Variants in KIAA1217 observed in about 807,000 individuals in gnomAD.
KIAA1217 encodes sickle tail protein homolog.
KIAA1217 carries 88 observed loss-of-function variants against 163.9 expected under a neutral mutation model. That is an observed-to-expected ratio of 0.54 (90% CI 0.45 to 0.64). The LOEUF is 0.64. KIAA1217 is among the 30% of genes least tolerant of loss of function. The probability of loss-of-function intolerance (pLI) is 0.00; values close to 1 mark genes in which losing one functional copy is unlikely to be tolerated. For missense variants in KIAA1217, 2,372 were observed against 2,475.0 expected, an observed-to-expected ratio of 0.96 and a Z score of 0.88; for synonymous variants, 903 against 923.1, an observed-to-expected ratio of 0.98 and a Z score of 0.39.
intron 5 of KIAA1217, among the ~76,000 whole-genome samples, chr10:24,465,388 A>G (rs753553758): frequency 5.3e-5 from 8 of 152,192 alleles, no homozygotes; most frequent in Admixed American, 1.3e-4. Context: ...TTTTTTTAGA[A>G]AGCCTGCAAA....
At chr10:24,103,041 C>T (rs1250046076) in intron 2 of KIAA1217, among the ~76,000 whole-genome samples, 2 of 152,188 alleles carry the variant, frequency 1.3e-5, no homozygotes, top group Non-Finnish European at 2.9e-5. Flanking sequence ...TCACCTTCCA[C>T]CATGACTGTG....
chr10:24,475,362 A>T (rs1319256754), intron 6 of KIAA1217, among the ~76,000 whole-genome samples: 5 of 152,212 alleles, frequency 3.3e-5, no homozygotes, highest in Non-Finnish European at 7.3e-5. Context: ...ATGGAATGTG[A>T]CCTGTCTACC....
intron 1 of KIAA1217, among the ~76,000 whole-genome samples, chr10:23,948,138 T>C (rs1030132254): frequency 2.0e-5 from 3 of 152,320 alleles, no homozygotes; most frequent in South Asian, 4.1e-4. Flanking sequence ...GAAGTTAGTC[T>C]GTTAGTAGGT....
At position 24,063,203 on chromosome 10, in the gene KIAA1217, A is replaced by C. The variant is rs533906492; in HGVS notation, c.-171+55829A>C. Among the ~76,000 whole-genome samples, 494 of 152,262 alleles carry C rather than the reference A, an allele frequency of 3.2e-3. 8 individuals carry two copies. The highest frequency in any genetic ancestry group is 0.012 in the African/African-American group (484 of 41,544). On this transcript the variant is annotated intron_variant, in intron 2 of 18. Transcript: ENST00000376462. ...CATTGCTTTTGGTGTTTTAGACATG[A>C]AGTCCTTCCCCATGCCTATGTCCTG...
At chr10:24,405,728 C>T (rs181424615) in intron 3 of KIAA1217, among the ~76,000 whole-genome samples, 1 of 152,260 alleles carries the variant, frequency 6.6e-6, no homozygotes, top group East Asian at 1.9e-4. Context: ...GCTTTTTCCT[C>T]TTTTTATTGA....
intron 6 of KIAA1217, among the ~76,000 whole-genome samples, chr10:24,475,866 G>C (rs980510957): frequency 2.0e-5 from 3 of 152,174 alleles, no homozygotes; most frequent in Non-Finnish European, 2.9e-5. Flanking sequence ...CCTTTGGCAG[G>C]CTTTGAGGTG....
At chr10:23,707,171 C>G (rs1836942466) in intron 1 of KIAA1217, among the ~76,000 whole-genome samples, 1 of 151,938 alleles carries the variant, frequency 6.6e-6, no homozygotes, top group African/African-American at 2.4e-5. Flanking sequence ...AAAATTACAG[C>G]TATGATTTGT....
chr10:24,290,371 T>C (rs1187488893), intron 2 of KIAA1217, among the ~76,000 whole-genome samples: 1 of 152,120 alleles, frequency 6.6e-6, no homozygotes, highest in Non-Finnish European at 1.5e-5. Context: ...ACAATTTCTC[T>C]CAGTGGATTT....
At position 24,050,673 on chromosome 10, in the gene KIAA1217, T is replaced by A. The variant is rs148235465; in HGVS notation, c.-171+43299T>A. On this transcript the variant is annotated intron_variant, in intron 2 of 18. Transcript: ENST00000376462. The stretch of plus-strand genomic sequence containing the variant: ...ATTCCATTGGCTTATGTATCTGTTT[T>A]GGTACCAGTACCATGCTGTTTTGGT... Among the ~76,000 whole-genome samples the A allele has an allele frequency of 3.0e-3, 451 of 152,346 alleles. 3 individuals are homozygous for A. Among genetic ancestry groups the A allele is most frequent in the African/African-American group, 0.01 (422 of 41,570 alleles).
intron 1 of KIAA1217, among the ~76,000 whole-genome samples, chr10:23,794,442 T>G (rs1347740418): frequency 6.6e-6 from 1 of 152,210 alleles, no homozygotes; most frequent in African/African-American, 2.4e-5. Context: ...AAGTTTTCAC[T>G]AAAGAATGAC....
intron 1 of KIAA1217, among the ~76,000 whole-genome samples, chr10:23,815,557 T>A (rs1032257376): frequency 3.3e-5 from 5 of 152,182 alleles, no homozygotes; most frequent in Admixed American, 6.5e-5. Context: ...GGCAGGAGAA[T>A]GACGTGAACC....
intron 2 of KIAA1217, among the ~76,000 whole-genome samples, chr10:24,306,188 A>G (rs1160157177): frequency 6.6e-6 from 1 of 152,236 alleles, no homozygotes; most frequent in African/African-American, 2.4e-5. Flanking sequence ...CTATGAGAAC[A>G]TTTTAACAAA....
chr10:24,267,514 T>A (rs912029921), intron 2 of KIAA1217, among the ~76,000 whole-genome samples: 1 of 152,180 alleles, frequency 6.6e-6, no homozygotes, highest in Non-Finnish European at 1.5e-5. Flanking sequence ...GATCTTGCCA[T>A]GTTGCCCACG....
intron 2 of KIAA1217, among the ~76,000 whole-genome samples, chr10:24,036,501 A>G (rs1372343921): frequency 6.6e-6 from 1 of 152,186 alleles, no homozygotes; most frequent in African/African-American, 2.4e-5. Flanking sequence ...CTATAAAGGA[A>G]TACTTGAAAC....
intron 5 of KIAA1217, among the ~76,000 whole-genome samples, chr10:24,467,165 C>T (rs2063043255): frequency 6.6e-6 from 1 of 152,032 alleles, no homozygotes; most frequent in African/African-American, 2.4e-5. Context: ...TATATAGCTA[C>T]ATGTAAGAAT....
chr10:24,307,000 T>G (rs773418836), intron 2 of KIAA1217, among the ~76,000 whole-genome samples: 1 of 152,232 alleles, frequency 6.6e-6, no homozygotes, highest in Non-Finnish European at 1.5e-5. Flanking sequence ...CTGATTTCTA[T>G]TGTTCTCCCA....
intron 1 of KIAA1217, among the ~76,000 whole-genome samples, chr10:23,714,453 G>A (rs1837448667): frequency 6.6e-6 from 1 of 152,070 alleles, no homozygotes; most frequent in Non-Finnish European, 1.5e-5. Context: ...ATATCCTGCA[G>A]CCAGGGCGAC....
At chr10:23,826,955 C>G (rs752114697) in intron 1 of KIAA1217, among the ~76,000 whole-genome samples, 1 of 152,128 alleles carries the variant, frequency 6.6e-6, no homozygotes, top group Non-Finnish European at 1.5e-5. Flanking sequence ...TATGTAGACT[C>G]TTGTCATGGG....
At chr10:23,981,581 T>C (rs910727520) in intron 1 of KIAA1217, among the ~76,000 whole-genome samples, 2 of 152,234 alleles carry the variant, frequency 1.3e-5, no homozygotes, top group African/African-American at 4.8e-5. Context: ...TCTTTTATTT[T>C]CTGTAAGGAT....
Sources: allele counts gnomAD v4.1 joint callset (sites outside exome capture counted in the v4.1 genomes callset), GRCh38; gene constraint gnomAD v4.1.1; transcripts MANE v1.5; gene names NCBI Gene and HGNC (gene_info 2026-07-23, HGNC 2026-07-21).